Variants in AGMO observed in about 807,000 individuals in gnomAD.
AGMO encodes glyceryl-ether monooxygenase.
AGMO carries 75 observed loss-of-function variants against 60.2 expected under a neutral mutation model. That is an observed-to-expected ratio of 1.25 (90% CI 1.03 to 1.51). The LOEUF is 1.51. AGMO is among the 40% of genes most tolerant of loss of function. The pLI is 0.00. For synonymous variants in AGMO, 261 were observed against 177.1 expected (o/e 1.47, Z -3.76); for missense variants, 763 against 525.5 (o/e 1.45, Z -4.42).
intron 5 of AGMO, among the ~76,000 whole-genome samples, chr7:15,404,375 G>C (rs1175418158): frequency 1.3e-5 from 2 of 151,812 alleles, no homozygotes; most frequent in East Asian, 1.9e-4. Flanking sequence ...CATATCTTTT[G>C]AATAACACTT....
At chr7:15,124,019 A>G in the AGMO span, among the ~76,000 whole-genome samples, 1 of 152,052 alleles carries the variant, frequency 6.6e-6, no homozygotes, top group Non-Finnish European at 1.5e-5. Flanking sequence ...GTACAGCCAG[A>G]GTGTTTTAAA....
At chr7:15,235,547 GA>G (rs975870073) in intron 12 of AGMO, among the ~76,000 whole-genome samples, 1 of 152,094 alleles carries the variant, frequency 6.6e-6, no homozygotes, top group Non-Finnish European at 1.5e-5. Flanking sequence ...CACAAAGACG[GA>G]AAGTACTGGT....
chr7:15,357,946 T>G (rs377345606), intron 12 of AGMO, among the ~76,000 whole-genome samples: 3 of 151,908 alleles, frequency 2.0e-5, no homozygotes, highest in Non-Finnish European at 4.4e-5. Flanking sequence ...AACACATATA[T>G]ACATACCAAA....
At chr7:15,246,362 A>G (rs924347388) in intron 12 of AGMO, among the ~76,000 whole-genome samples, 1 of 152,194 alleles carries the variant, frequency 6.6e-6, no homozygotes, top group Non-Finnish European at 1.5e-5. Flanking sequence ...TGTTTTATAT[A>G]TTGACATTTT....
At chr7:15,322,585 A>AATATATAAAT (rs1446792531) in intron 12 of AGMO, among the ~76,000 whole-genome samples, 6 of 28,848 alleles carry the variant, frequency 2.1e-4, no homozygotes, top group African/African-American at 1.1e-3. Flanking sequence ...AATATATATA[A>AATATATAAAT]ATATATAAAT....
At chr7:15,388,200 C>T (rs183464775) in intron 8 of AGMO, among the ~76,000 whole-genome samples, 80 of 152,138 alleles carry the variant, frequency 5.3e-4, no homozygotes, top group African/African-American at 1.7e-3. Context: ...TAAAATATGA[C>T]AATAAGGAAT....
At chr7:15,118,258 C>G in the AGMO span, among the ~76,000 whole-genome samples, 1 of 151,090 alleles carries the variant, frequency 6.6e-6, no homozygotes, top group Non-Finnish European at 1.5e-5. Flanking sequence ...AAAATTCATT[C>G]AATGGAATAC....
At chr7:15,323,629 T>C (rs1348922334) in intron 12 of AGMO, among the ~76,000 whole-genome samples, 1 of 152,178 alleles carries the variant, frequency 6.6e-6, no homozygotes, top group African/African-American at 2.4e-5. Context: ...AATAACGCGC[T>C]GATTCTCATA....
At chr7:15,550,229 T>C (rs1480817401) in intron 2 of AGMO, among the ~76,000 whole-genome samples, 2 of 149,988 alleles carry the variant, frequency 1.3e-5, no homozygotes, top group African/African-American at 2.5e-5. Flanking sequence ...GATCCAAAAT[T>C]GACACCCTAA....
At chr7:15,322,539 T>TATATATAAATATATATAA (rs1563086221) in intron 12 of AGMO, among the ~76,000 whole-genome samples, 3 of 55,008 alleles carry the variant, frequency 5.5e-5, no homozygotes, top group African/African-American at 9.4e-5. Flanking sequence ...TATATAAATA[T>TATATATAAATATATATAA]ATATATAAAT....
At chr7:15,480,314 G>A (rs1335958474) in intron 3 of AGMO, among the ~76,000 whole-genome samples, 1 of 152,126 alleles carries the variant, frequency 6.6e-6, no homozygotes, top group Non-Finnish European at 1.5e-5. Flanking sequence ...CAGGTTGAGA[G>A]TCTTATGATT....
At chr7:15,211,523 T>C (rs1000666048) in intron 12 of AGMO, among the ~76,000 whole-genome samples, 2 of 152,020 alleles carry the variant, frequency 1.3e-5, no homozygotes, top group Non-Finnish European at 2.9e-5. Flanking sequence ...AGTATTTCTA[T>C]TATGGACCCT....
At chr7:15,450,321 G>T (rs1459248290) in intron 3 of AGMO, among the ~76,000 whole-genome samples, 1 of 151,500 alleles carries the variant, frequency 6.6e-6, no homozygotes, top group African/African-American at 2.4e-5. Flanking sequence ...TCGGGAGGCT[G>T]AGGCAGGAGA....
intron 12 of AGMO, among the ~76,000 whole-genome samples, chr7:15,213,821 C>G (rs981624215): frequency 7.2e-5 from 11 of 151,904 alleles, no homozygotes; most frequent in African/African-American, 2.7e-4. Flanking sequence ...TCAGCAGTAG[C>G]AATAACTCTT....
intron 12 of AGMO, among the ~76,000 whole-genome samples, chr7:15,247,019 T>C (rs1364115389): frequency 6.6e-6 from 1 of 152,096 alleles, no homozygotes; most frequent in Non-Finnish European, 1.5e-5. Flanking sequence ...TTGTCCAGGC[T>C]GGTCTCAAAC....
At chr7:15,390,238 G>C (rs1319792680) in intron 8 of AGMO, among the ~76,000 whole-genome samples, 1 of 152,060 alleles carries the variant, frequency 6.6e-6, no homozygotes, top group African/African-American at 2.4e-5. Context: ...ATCTGTAATA[G>C]TTCCTGACAC....
intron 12 of AGMO, among the ~76,000 whole-genome samples, chr7:15,262,650 G>T (rs967230092): frequency 6.6e-6 from 1 of 151,728 alleles, no homozygotes; most frequent in East Asian, 1.9e-4. Context: ...AGCCTGCATA[G>T]CCAAAAGCAA....
At chr7:15,524,403 TG>T in intron 3 of AGMO, among the ~76,000 whole-genome samples, 1 of 152,250 alleles carries the variant, frequency 6.6e-6, no homozygotes, top group South Asian at 2.1e-4. Context: ...AATTATGAAA[TG>T]TTTGGTGGAA....
At chr7:15,197,198 G>A (rs1781139634), downstream of AGMO, among the ~76,000 whole-genome samples, 1 of 152,076 alleles carries the variant, frequency 6.6e-6, no homozygotes, top group South Asian at 2.1e-4. Flanking sequence ...GGTTTCTGGA[G>A]TCTATGACTA....
Sources: gnomAD v4.1 joint callset for allele counts (sites outside exome capture counted in the v4.1 genomes callset) on GRCh38, gnomAD v4.1.1 for gene constraint, MANE v1.5 for transcripts, NCBI Gene and HGNC (gene_info 2026-07-23, HGNC 2026-07-21) for gene names.